ADARB2: variants seen among roughly 807,000 people sequenced by gnomAD.
ADARB2 encodes the protein inactive double-stranded RNA-specific editase B2.
Under a neutral mutation model 62.2 loss-of-function variants are expected in ADARB2, and 25 were observed. The ratio of observed to expected loss-of-function variants is 0.40; its 90% CI spans 0.29 to 0.56. The LOEUF is 0.56. ADARB2 is among the 20% of genes least tolerant of loss of function. The pLI is 0.43. For synonymous variants in ADARB2, 572 were observed against 500.8 expected, an observed-to-expected ratio of 1.14 and a Z score of -1.90; for missense variants, 1,071 against 1,077.4, an observed-to-expected ratio of 0.99 and a Z score of 0.08.
intron 4 of ADARB2, among the ~76,000 whole-genome samples, chr10:1,266,862 A>T (rs543538563): frequency 6.6e-6 from 1 of 152,302 alleles, no homozygotes; most frequent in South Asian, 2.1e-4. Flanking sequence ...TAAGGGAAAG[A>T]TTTAAATAAT....
At chr10:1,271,816 G>T (rs886753985) in intron 3 of ADARB2, among the ~76,000 whole-genome samples, 1 of 152,310 alleles carries the variant, frequency 6.6e-6, no homozygotes, top group Admixed American at 6.5e-5. Context: ...CTTGACATGG[G>T]GCCCCAAGCT....
At chr10:1,217,348 A>T (rs1830641681) in intron 6 of ADARB2, among the ~76,000 whole-genome samples, 1 of 150,256 alleles carries the variant, frequency 6.7e-6, no homozygotes, top group Non-Finnish European at 1.5e-5. Context: ...GGGAGTAAAA[A>T]CCCCAGGCTT....
chr10:1,477,199 CAGG>C lies in ADARB2; in HGVS notation c.101-98042_101-98040del, dbSNP rs200842241. On this transcript the variant is annotated intron_variant, in intron 1 of 9. Transcript: ENST00000381312. The surrounding 1 kb of genome is among the most constrained non-coding windows in gnomAD (Gnocchi z 4.5). ...ACCCATGGCTAACACCACTTCCTTA[CAGG>C]AGAAGTGACTGCACTGATCAGAAGT... Among the ~76,000 whole-genome samples the C allele has an allele frequency of 6.2e-3, 939 of 152,316 alleles. 11 individuals are homozygous for C. The highest frequency in any genetic ancestry group is 0.02 in the African/African-American group (812 of 41,572).
intron 1 of ADARB2, among the ~76,000 whole-genome samples, chr10:1,618,854 T>C (rs2132025671): frequency 1.3e-5 from 2 of 152,176 alleles, no homozygotes; most frequent in Non-Finnish European, 2.9e-5. Flanking sequence ...ACAGGCGAGA[T>C]TTCCAGCAAT....
rs560440619 is a variant in ADARB2, at chr10:1,257,995, T to A, written c.1192+12960A>T. Among the ~76,000 whole-genome samples the A allele has an allele frequency of 5.3e-5, 8 of 152,298 alleles. No individual in the cohort carries two copies. In the South Asian group the frequency reaches 1.5e-3, roughly 28 times the overall value. ...ATTAGCCTGAATCCTTTAGAATATC[T>A]TTATTATATCTCCATCCACACAGTG... On this transcript the variant is annotated intron_variant, in intron 4 of 9. Transcript: ENST00000381312.
chr10:1,404,710 G>A (rs1227699772), intron 1 of ADARB2, among the ~76,000 whole-genome samples: 3 of 152,312 alleles, frequency 2.0e-5, no homozygotes, highest in East Asian at 1.9e-4. Flanking sequence ...TTCGGGGCAA[G>A]TTCCTTCCGT....
chr10:1,538,364 A>C (rs917840059), intron 1 of ADARB2, among the ~76,000 whole-genome samples: 2 of 152,212 alleles, frequency 1.3e-5, no homozygotes, highest in African/African-American at 4.8e-5. Flanking sequence ...CCAGAGCACA[A>C]GCCGGAGGGG....
At chr10:1,689,739 A>G (rs1182020912) in intron 1 of ADARB2, among the ~76,000 whole-genome samples, 1 of 152,208 alleles carries the variant, frequency 6.6e-6, no homozygotes, top group African/African-American at 2.4e-5. Flanking sequence ...TTCAAAATCT[A>G]ATTTGCTGCC....
chr10:1,312,919 A>G (rs769382411), intron 3 of ADARB2, among the ~76,000 whole-genome samples: 3 of 152,094 alleles, frequency 2.0e-5, no homozygotes, highest in Non-Finnish European at 4.4e-5. Flanking sequence ...CCATCTTTTT[A>G]TAGATGGTGG....
intron 4 of ADARB2, among the ~76,000 whole-genome samples, chr10:1,259,977 G>A (rs2131789412): frequency 6.6e-6 from 1 of 152,302 alleles, no homozygotes; most frequent in African/African-American, 2.4e-5. Flanking sequence ...TCATCCCTGG[G>A]ATGCAAGGCT....
intron 3 of ADARB2, among the ~76,000 whole-genome samples, chr10:1,346,344 G>A (rs1200571758): frequency 6.6e-6 from 1 of 152,158 alleles, no homozygotes; most frequent in African/African-American, 2.4e-5. Context: ...CACCAACCGC[G>A]AGAACCCCTC....
At chr10:1,536,282 C>T (rs964918194) in intron 1 of ADARB2, among the ~76,000 whole-genome samples, 3 of 152,178 alleles carry the variant, frequency 2.0e-5, no homozygotes, top group East Asian at 3.9e-4. Context: ...ACACAGAAAG[C>T]GCCATCTACA....
intron 3 of ADARB2, among the ~76,000 whole-genome samples, chr10:1,313,788 T>G (rs962537146): frequency 3.3e-5 from 5 of 152,186 alleles, no homozygotes; most frequent in Non-Finnish European, 5.9e-5. Context: ...GTGCAGAGGT[T>G]TCACAGAAAC....
intron 1 of ADARB2, among the ~76,000 whole-genome samples, chr10:1,509,231 C>T (rs761349564): frequency 2.6e-5 from 4 of 152,164 alleles, no homozygotes; most frequent in Non-Finnish European, 4.4e-5. Context: ...GCAGTAAACA[C>T]GTTCCATCAG....
chr10:1,349,432 G>A (rs373407140), intron 3 of ADARB2, among the ~76,000 whole-genome samples: 3 of 152,154 alleles, frequency 2.0e-5, no homozygotes, highest in Admixed American at 1.3e-4. Flanking sequence ...ATTTGGTGCC[G>A]TGACTCAGAT....
rs550244172 is a variant in ADARB2, at chr10:1,643,532, A to G, written c.100+93519T>C. On this transcript the variant is annotated intron_variant, in intron 1 of 9. Transcript: ENST00000381312. ...TTTCATCCCCCAAAAAACAAAAGCA[A>G]CAGTGACGTCAGCTTCACCAGTATG... Among the ~76,000 whole-genome samples the G allele has an allele frequency of 6.6e-5, 10 of 152,312 alleles. No individual in the cohort carries two copies. In the South Asian group the frequency reaches 1.9e-3, roughly 28 times the overall value.
At chr10:1,413,722 T>C (rs1050699191) in intron 1 of ADARB2, among the ~76,000 whole-genome samples, 1 of 152,172 alleles carries the variant, frequency 6.6e-6, no homozygotes, top group Non-Finnish European at 1.5e-5. Context: ...ACCTTGAGAA[T>C]CTTACAGACT....
chr10:1,500,196 C>T (rs1311465898), intron 1 of ADARB2, among the ~76,000 whole-genome samples: 2 of 152,310 alleles, frequency 1.3e-5, no homozygotes, highest in Middle Eastern at 3.4e-3. Context: ...ACGGAAGTGC[C>T]CTGTTCCCAT....
intron 1 of ADARB2, among the ~76,000 whole-genome samples, chr10:1,539,681 G>A (rs2676177): frequency 0.017 from 2,621 of 152,254 alleles, 76 homozygotes; most frequent in African/African-American, 0.06. Flanking sequence ...TGACAATTTT[G>A]CTTTTATTTA....
Sources: allele counts gnomAD v4.1 joint callset (sites outside exome capture counted in the v4.1 genomes callset), GRCh38; gene constraint gnomAD v4.1.1; non-coding constraint Gnocchi (gnomAD v3.1); transcripts MANE v1.5; gene names NCBI Gene and HGNC (gene_info 2026-07-23, HGNC 2026-07-21).